JAZF1: variants seen among roughly 807,000 people sequenced by gnomAD.
JAZF1 encodes the protein juxtaposed with another zinc finger protein 1.
JAZF1 carries 8 observed loss-of-function variants against 26.4 expected under a neutral mutation model. The ratio of observed to expected loss-of-function variants is 0.30; its 90% CI spans 0.18 to 0.55. The LOEUF is 0.55. JAZF1 is among the 20% of genes least tolerant of loss of function. The probability of loss-of-function intolerance (pLI) is 0.94; values close to 1 mark genes in which losing one functional copy is unlikely to be tolerated. For missense variants in JAZF1, 199 were observed against 322.0 expected (o/e 0.62, Z 2.92); for synonymous variants, 126 against 122.3 (o/e 1.03, Z -0.20).
chr7:28,168,380 CAAAAA>C (rs11301939), intron 1 of JAZF1, among the ~76,000 whole-genome samples: 1 of 71,138 alleles, frequency 1.4e-5, no homozygotes, highest in African/African-American at 5.8e-5. Flanking sequence ...GACTCCGTCT[CAAAAA>C]AAAAAAAAAA....
In JAZF1 at chr7:28,134,864, G is replaced by A. The variant is rs74878343; in HGVS notation, c.115+45599C>T. ...GCTTTATGTATACACATATTCTCTC[G>A]CTTGGACTATAAGCTCCTTGAGGAG... On this transcript the variant is annotated intron_variant, in intron 1 of 4. Transcript: ENST00000283928. Among the ~76,000 whole-genome samples the A allele has an allele frequency of 9.4e-4, 142 of 151,864 alleles. 4 individuals carry two copies. In the East Asian group the frequency reaches 0.025, roughly 27 times the overall value.
chr7:27,865,242 C>T (rs60092788), intron 3 of JAZF1, among the ~76,000 whole-genome samples: 2,910 of 152,216 alleles, frequency 0.019, 85 homozygotes, highest in African/African-American at 0.062. Context: ...CAGTAGCACA[C>T]GCTTGTGATG....
intron 3 of JAZF1, among the ~76,000 whole-genome samples, chr7:27,854,252 G>A (rs1783203673): frequency 6.6e-6 from 1 of 152,042 alleles, no homozygotes; most frequent in African/African-American, 2.4e-5. Flanking sequence ...TTTATTTTGA[G>A]CCTATGTGTG....
rs536553461 is a variant in JAZF1 at position 27,998,087 on chromosome 7, C to G, written c.116-6106G>C. ...GAAGGAAGGAAGGCAGGCAGGCAGG[C>G]AGGCAGGCAGACATGAGCAAAGTAA... On this transcript the variant is annotated intron_variant, in intron 1 of 4. Transcript: ENST00000283928. 3.3e-5 allele frequency among the ~76,000 whole-genome samples: 5 copies of G among 150,094 alleles called. No individual in the cohort carries two copies. In the East Asian group the frequency reaches 9.7e-4, roughly 29 times the overall value.
intron 1 of JAZF1, among the ~76,000 whole-genome samples, chr7:28,129,752 A>C (rs1020393395): frequency 6.6e-6 from 1 of 152,222 alleles, no homozygotes; most frequent in African/African-American, 2.4e-5. Context: ...AAAAGAAAGA[A>C]AAACAAAAGG....
At chr7:28,003,990 C>T (rs562883977) in intron 1 of JAZF1, among the ~76,000 whole-genome samples, 1 of 152,226 alleles carries the variant, frequency 6.6e-6, no homozygotes, top group African/African-American at 2.4e-5. Context: ...ATTGAAGGTC[C>T]TCCTGCCTGC....
At chr7:27,944,540 T>C (rs570540721) in intron 2 of JAZF1, among the ~76,000 whole-genome samples, 109 of 152,372 alleles carry the variant, frequency 7.2e-4, no homozygotes, top group Non-Finnish European at 1.3e-3. Context: ...TCTACTTTTT[T>C]CATTTTATAA....
chr7:28,066,697 G>A (rs1374708518), intron 1 of JAZF1, among the ~76,000 whole-genome samples: 1 of 151,492 alleles, frequency 6.6e-6, no homozygotes, highest in Non-Finnish European at 1.5e-5. Flanking sequence ...AGTACTGCAA[G>A]GTCCCTGCTT....
intron 1 of JAZF1, among the ~76,000 whole-genome samples, chr7:27,999,929 A>G (rs2128367321): frequency 6.6e-6 from 1 of 152,326 alleles, no homozygotes; most frequent in African/African-American, 2.4e-5. Flanking sequence ...AGAGGGCTAT[A>G]AAATGATGTA....
chr7:28,000,471 A>G (rs1331074190), intron 1 of JAZF1, among the ~76,000 whole-genome samples: 1 of 152,162 alleles, frequency 6.6e-6, no homozygotes, highest in African/African-American at 2.4e-5. Flanking sequence ...TTGCTCCTAG[A>G]TTGCTTCTAG....
At chr7:27,915,641 A>G (rs1465809818) in intron 2 of JAZF1, among the ~76,000 whole-genome samples, 4 of 152,240 alleles carry the variant, frequency 2.6e-5, no homozygotes, top group African/African-American at 9.6e-5. Flanking sequence ...TACAACATTT[A>G]GGTTGAAACA....
intron 2 of JAZF1, among the ~76,000 whole-genome samples, chr7:27,924,951 T>G (rs1287985733): frequency 1.3e-5 from 2 of 152,236 alleles, no homozygotes; most frequent in Non-Finnish European, 2.9e-5. Context: ...CTGACTACAA[T>G]CTAGCTAAAG....
intron 1 of JAZF1, among the ~76,000 whole-genome samples, chr7:28,112,574 GATCA>G (rs58122178): frequency 0.21 from 31,199 of 151,904 alleles, 4,176 homozygotes; most frequent in African/African-American, 0.36. Context: ...TTTAAGATAA[GATCA>G]ATTATGGGCA....
intron 3 of JAZF1, among the ~76,000 whole-genome samples, chr7:27,861,532 A>G (rs542522345): frequency 1.4e-5 from 2 of 143,538 alleles, no homozygotes; most frequent in Admixed American, 7.2e-5. Context: ...TTTAATTTCC[A>G]AAGACTACTT....
intron 1 of JAZF1, among the ~76,000 whole-genome samples, chr7:28,023,392 G>A (rs991345830): frequency 7.2e-5 from 11 of 152,150 alleles, no homozygotes; most frequent in Admixed American, 2.0e-4. Context: ...TAAGTAATTC[G>A]AAACGATTTT....
At chr7:27,992,167 T>G (rs781686731) in intron 1 of JAZF1, 186 bp from the exon 2 acceptor site, 1 of 662,160 alleles carries the variant, frequency 1.5e-6, no homozygotes, top group Non-Finnish European at 2.9e-6. Context: ...GATATTGCAT[T>G]ACTTTTCAAG....
chr7:28,173,168 C>A (rs1258176686), intron 1 of JAZF1, among the ~76,000 whole-genome samples: 1 of 152,180 alleles, frequency 6.6e-6, no homozygotes. Flanking sequence ...GGCCCTGGGG[C>A]TGGAGCTTCA....
intron 1 of JAZF1, among the ~76,000 whole-genome samples, chr7:28,045,877 T>C (rs979797479): frequency 1.3e-5 from 2 of 152,186 alleles, no homozygotes; most frequent in African/African-American, 2.4e-5. Context: ...CCTGGCCTGT[T>C]TTTATTGCTT....
intron 2 of JAZF1, among the ~76,000 whole-genome samples, chr7:27,899,890 T>C (rs1168157732): frequency 6.6e-6 from 1 of 152,160 alleles, no homozygotes; most frequent in Non-Finnish European, 1.5e-5. Flanking sequence ...GGGGATGCTG[T>C]CATGGTTTTC....
Sources: gnomAD v4.1 joint callset for allele counts (sites outside exome capture counted in the v4.1 genomes callset) on GRCh38, gnomAD v4.1.1 for gene constraint, MANE v1.5 for transcripts, NCBI Gene and HGNC (gene_info 2026-07-23, HGNC 2026-07-21) for gene names.